SLC28A1: variants seen among roughly 807,000 people sequenced by gnomAD.
SLC28A1 encodes sodium/nucleoside cotransporter 1.
Under a neutral mutation model 74.8 loss-of-function variants are expected in SLC28A1, and 64 were observed. That is an observed-to-expected ratio of 0.86 (90% confidence interval 0.70 to 1.05). The LOEUF is 1.05. SLC28A1 is among the 50% of genes least tolerant of loss of function. The probability of loss-of-function intolerance (pLI) is 0.00; values close to 1 mark genes in which losing one functional copy is unlikely to be tolerated. For synonymous variants in SLC28A1, 359 were observed against 335.0 expected (o/e 1.07, Z -0.78); for missense variants, 828 against 822.8 (o/e 1.01, Z -0.08).
intron 9 of SLC28A1, among the ~76,000 whole-genome samples, chr15:84,912,674 C>G (rs1233681684): frequency 6.6e-6 from 1 of 152,156 alleles, no homozygotes. Context: ...CTAAGCTTAG[C>G]AGTGCTGCTC....
rs1457376507 is a variant in SLC28A1 at position 84,889,728 on chromosome 15, CCTTCCTTCCT to C, written c.186-714_186-705del. On this transcript the variant is annotated intron_variant, in intron 4 of 18. Transcript: ENST00000394573. ...TCCTTCTTTCCTTCCTTCCTTCCTT[CCTTCCTTCCT>C]TCCTTCCTTCCTTCCTTCCTTCCTT... 1.5e-3 allele frequency among the ~76,000 whole-genome samples: 124 copies of C among 81,804 alleles called. 2 individuals carry two copies. The highest frequency in any genetic ancestry group is 5.3e-3 in the Middle Eastern group (1 of 190). The allele number at this position is 81,804 out of a possible 152,430, so 53.7% of individuals were successfully genotyped here.
At chr15:84,912,165 T>G (rs1189080527) in intron 9 of SLC28A1, among the ~76,000 whole-genome samples, 1 of 152,182 alleles carries the variant, frequency 6.6e-6, no homozygotes, top group African/African-American at 2.4e-5. Flanking sequence ...AATCACAACA[T>G]TTTATTCAGC....
rs1971764885 is a variant in SLC28A1 at position 84,935,421 on chromosome 15, T to C, written c.1484T>C (p.Leu495Pro). Reference sequence around the variant, plus strand: ...GAGCTGCTGGGGATCAAGCTGTTTCTGAACGAGTTTGTGGCCTATCAAGAC... The same window carrying C: ...GAGCTGCTGGGGATCAAGCTGTTTCCGAACGAGTTTGTGGCCTATCAAGAC... ...VAELLGIKLF[L>P]NEFVAYQDLS... The change falls in exon 15 of 19, where the codon CTG becomes CCG. Residue 495 changes from leucine (L) to proline (P), a missense_variant. By Grantham distance (98) the Leu-to-Pro change is moderately conservative. Coordinates refer to ENST00000394573, the MANE Select transcript of SLC28A1 (RefSeq NM_004213.5). 1.2e-6 allele frequency: 2 copies of C among 1,614,252 alleles called. No individual in the cohort carries two copies. Among genetic ancestry groups the C allele is most frequent in the African/African-American group, 2.7e-5 (2 of 75,070 alleles).
chr15:84,970,719 C>G, the SLC28A1 span, among the ~76,000 whole-genome samples: 1 of 151,934 alleles, frequency 6.6e-6, no homozygotes, highest in Non-Finnish European at 1.5e-5. Flanking sequence ...TCTTAAGGGT[C>G]GGGCACAATG....
chr15:84,946,072 G>GTGTTTA (rs1567196101), downstream of SLC28A1, among the ~76,000 whole-genome samples: 1 of 58,504 alleles, frequency 1.7e-5, no homozygotes, highest in Non-Finnish European at 3.3e-5. Flanking sequence ...ATATATATAT[G>GTGTTTA]TGTGTGTATG....
intron 12 of SLC28A1, among the ~76,000 whole-genome samples, chr15:84,925,625 T>C (rs900080229): frequency 5.3e-5 from 8 of 151,896 alleles, no homozygotes; most frequent in Middle Eastern, 3.4e-3. Context: ...ATGATGGGGG[T>C]GGAACCAGCA....
Position 84,944,766 on chromosome 15 carries a change from C to T in SLC28A1, c.1773C>T (p.Tyr591=). The stretch of plus-strand genomic sequence containing the variant: ...ACTTTCCCTCTACAGGGATCCTCTA[C>T]ATGCCCAGGGGGGCTGAAGTTGACT... ...LVNACMAGIL[Y]MPRGAEVDCM... is the part of the protein sequence containing the mutation. Residue 591 remains tyrosine, a synonymous_variant, in exon 18 of 19, where the codon TAC becomes TAT. Coordinates refer to ENST00000394573, the MANE Select transcript of SLC28A1 (RefSeq NM_004213.5). 4 of 1,613,646 alleles carry T rather than the reference C, an allele frequency of 2.5e-6. No homozygotes were observed. Among genetic ancestry groups the T allele is most frequent in the Non-Finnish European group, 3.4e-6 (4 of 1,179,552 alleles).
intron 15 of SLC28A1, among the ~76,000 whole-genome samples, chr15:84,940,195 A>G (rs1317990195): frequency 6.6e-6 from 1 of 152,180 alleles, no homozygotes; most frequent in Non-Finnish European, 1.5e-5. Flanking sequence ...ACTAAAGATG[A>G]AGGCACTACC....
At chr15:84,926,172 G>GT (rs1274868993) in intron 12 of SLC28A1, among the ~76,000 whole-genome samples, 1 of 149,314 alleles carries the variant, frequency 6.7e-6, no homozygotes, top group East Asian at 1.9e-4. Flanking sequence ...TTTATTTTTT[G>GT]TTTTTTAACT....
downstream of SLC28A1, among the ~76,000 whole-genome samples, chr15:84,946,595 A>G (rs185376533): frequency 1.3e-5 from 2 of 152,242 alleles, no homozygotes; most frequent in East Asian, 1.9e-4. Context: ...CCCCGAGCCC[A>G]TCTGAGGGGA....
chr15:84,960,903 T>C, the SLC28A1 span, among the ~76,000 whole-genome samples: 1 of 152,170 alleles, frequency 6.6e-6, no homozygotes, highest in African/African-American at 2.4e-5. Flanking sequence ...CAGTGCTAAC[T>C]ACAGGTGCTC....
chr15:84,956,476 T>TTTCTTTCTTTCTTTCTTTCC, the SLC28A1 span, among the ~76,000 whole-genome samples: 2,128 of 119,546 alleles, frequency 0.018, 23 homozygotes, highest in Middle Eastern at 0.02. Context: ...TCCTTCTTTC[T>TTTCTTTCTTTCTTTCTTTCC]TTCTTTCTTT....
intron 9 of SLC28A1, among the ~76,000 whole-genome samples, chr15:84,915,943 G>GTTC (rs1252831596): frequency 2.3e-4 from 35 of 151,438 alleles, no homozygotes; most frequent in East Asian, 5.8e-4. Flanking sequence ...TGTTGTTGTT[G>GTTC]TTGTTGTTGT....
At chr15:84,917,606 G>A (rs1182770890) in intron 9 of SLC28A1, among the ~76,000 whole-genome samples, 2 of 151,832 alleles carry the variant, frequency 1.3e-5, no homozygotes, top group African/African-American at 2.4e-5. Flanking sequence ...CCACATAACA[G>A]CATAGCATAC....
chr15:84,971,811 G>A, the SLC28A1 span, among the ~76,000 whole-genome samples: 3 of 151,930 alleles, frequency 2.0e-5, no homozygotes, highest in African/African-American at 7.3e-5. Context: ...CTCCATACCC[G>A]GCTAATTTTT....
the SLC28A1 span, among the ~76,000 whole-genome samples, chr15:84,960,449 G>C: frequency 6.6e-6 from 1 of 151,728 alleles, no homozygotes; most frequent in Non-Finnish European, 1.5e-5. Context: ...GTAGAAACAG[G>C]GTTGCACTAT....
In SLC28A1 at chr15:84,945,449, A is replaced by G. The variant is rs1429303939; in HGVS notation, c.*249A>G. 9.7e-6 allele frequency: 5 copies of G among 515,282 alleles called. No homozygotes were observed. Among genetic ancestry groups the G allele is most frequent in the Non-Finnish European group, 1.8e-5 (5 of 283,170 alleles). 31.9% of individuals were successfully genotyped at this position (515,282 alleles called of 1,614,324 possible). On this transcript the variant is annotated 3_prime_UTR_variant, in exon 19 of 19. Coordinates refer to ENST00000394573, the MANE Select transcript of SLC28A1 (RefSeq NM_004213.5). ...CCTAACTCCCCCAGTGTGAATTCTC[A>G]GGGTCACTTCTGCCTCCTCCCGTTT...
intron 12 of SLC28A1, among the ~76,000 whole-genome samples, chr15:84,926,260 G>A (rs954507242): frequency 6.6e-6 from 1 of 151,918 alleles, no homozygotes; most frequent in Middle Eastern, 3.4e-3. Context: ...GCACAGTGGT[G>A]CAATTACAGC....
At chr15:84,910,322 A>G (rs969100495) in intron 9 of SLC28A1, among the ~76,000 whole-genome samples, 4 of 152,232 alleles carry the variant, frequency 2.6e-5, no homozygotes, top group African/African-American at 9.6e-5. Flanking sequence ...TTACCTTTGC[A>G]TAACCAATGC....
Sources: allele counts gnomAD v4.1 joint callset (sites outside exome capture counted in the v4.1 genomes callset), GRCh38; gene constraint gnomAD v4.1.1; transcripts MANE v1.5; gene names NCBI Gene and HGNC (gene_info 2026-07-23, HGNC 2026-07-21).